IL1RAPL2: variants seen among roughly 807,000 people sequenced by gnomAD.
The protein encoded by IL1RAPL2 is X-linked interleukin-1 receptor accessory protein-like 2.
Under a neutral mutation model 44.1 loss-of-function variants are expected in IL1RAPL2, and 3 were observed. That is an observed-to-expected ratio of 0.07 (90% CI 0.03 to 0.18). The LOEUF (loss-of-function observed/expected upper bound fraction) is 0.18, where lower values mean the gene tolerates loss of function less well. IL1RAPL2 is among the 10% of genes least tolerant of loss of function. The pLI, the probability that IL1RAPL2 is intolerant of heterozygous loss-of-function variation, is 1.00. For missense variants in IL1RAPL2, 391 were observed against 496.4 expected, an observed-to-expected ratio of 0.79 and a Z score of 2.02; for synonymous variants, 181 against 178.8, an observed-to-expected ratio of 1.01 and a Z score of -0.10.
At chrX:104,867,514 C>T (rs766701233) in intron 2 of IL1RAPL2, among the ~76,000 whole-genome samples, 3 of 111,556 alleles carry the variant, frequency 2.7e-5, no homozygotes, top group Admixed American at 9.5e-5. Context: ...AGAACTGCGA[C>T]GGATGCTGAT....
chrX:104,887,517 AG>A (rs761395173), intron 2 of IL1RAPL2, among the ~76,000 whole-genome samples: 1 of 111,506 alleles, frequency 9.0e-6, no homozygotes, highest in African/African-American at 3.3e-5. Flanking sequence ...ATACAAGGAA[AG>A]GATCTCACTG....
intron 6 of IL1RAPL2, among the ~76,000 whole-genome samples, chrX:105,553,794 C>T (rs888408638): frequency 1.8e-5 from 2 of 112,164 alleles, no homozygotes; most frequent in Non-Finnish European, 3.8e-5. Flanking sequence ...TATTCCATAA[C>T]CCAAGGTACC....
rs1422140038 is a variant in IL1RAPL2 at position 104,653,611 on chromosome X, G to T, written c.-19-5284G>T. ...ATGGAACTAGCTGCATTGGTTCATT[G>T]TGCTGGTGGCTTCAGACATCAAACT... is the stretch of plus-strand genomic sequence containing the variant. On this transcript the variant is annotated intron_variant, in intron 1 of 10. Transcript: ENST00000372582. Among the ~76,000 whole-genome samples the T allele has an allele frequency of 4.5e-5, 5 of 111,097 alleles. No individual in the cohort carries two copies. The Admixed American group carries it at 4.8e-4, about 11-fold the overall frequency.
At chrX:105,624,068 C>A (rs1171657664) in intron 6 of IL1RAPL2, among the ~76,000 whole-genome samples, 1 of 110,670 alleles carries the variant, frequency 9.0e-6, no homozygotes, top group African/African-American at 3.3e-5. Flanking sequence ...ATACAGCATT[C>A]GAGAAGGATT....
intron 10 of IL1RAPL2, among the ~76,000 whole-genome samples, chrX:105,760,574 T>G (rs2038678241): frequency 8.9e-6 from 1 of 112,110 alleles, no homozygotes; most frequent in Non-Finnish European, 1.9e-5. Context: ...CAGAGTGGAT[T>G]CTTCACACCG....
chrX:104,650,490 AATG>A (rs1335483022), intron 1 of IL1RAPL2, among the ~76,000 whole-genome samples: 3 of 111,234 alleles, frequency 2.7e-5, no homozygotes, highest in Non-Finnish European at 5.7e-5. Context: ...TTCCTTGATC[AATG>A]ATGATATTTC....
rs189523505 is a variant in IL1RAPL2, at chrX:105,386,463, C to G, written c.698-97850C>G. ...TTTTTGTTCTCATGTGACATGAAGGCATCATTTATATACATTTATATGTAT... is the reference window on the plus strand; with the variant it reads ...TTTTTGTTCTCATGTGACATGAAGGGATCATTTATATACATTTATATGTAT... On this transcript the variant is annotated intron_variant, in intron 5 of 10. Transcript: ENST00000372582. Among the ~76,000 whole-genome samples, 13 of 111,006 alleles carry G rather than the reference C, an allele frequency of 1.2e-4. No homozygotes were observed. In the East Asian group the frequency reaches 2.5e-3, roughly 22 times the overall value.
Position 104,637,481 on chromosome X carries a change from T to A in IL1RAPL2, c.-19-21414T>A, listed in dbSNP as rs1929838982. Among the ~76,000 whole-genome samples, 3 of 110,882 alleles carry A rather than the reference T, an allele frequency of 2.7e-5. No homozygotes were observed. In the Admixed American group the frequency reaches 2.9e-4, roughly 11 times the overall value. ...ATATATAGCCTTTATTATGTTGAGGTATGTTTCTTCTGTACCTGGTTTGTT... is the reference window on the plus strand; with the variant it reads ...ATATATAGCCTTTATTATGTTGAGGAATGTTTCTTCTGTACCTGGTTTGTT... On this transcript the variant is annotated intron_variant, in intron 1 of 10. Coordinates refer to ENST00000372582, the MANE Select transcript of IL1RAPL2 (RefSeq NM_017416.2).
chrX:104,882,363 A>T (rs1923094086), intron 2 of IL1RAPL2, among the ~76,000 whole-genome samples: 1 of 112,367 alleles, frequency 8.9e-6, no homozygotes, highest in Non-Finnish European at 1.9e-5. Flanking sequence ...TAATGTAGAA[A>T]ATTAGTTGCC....
At position 105,056,887 on chromosome X, in the gene IL1RAPL2, G is replaced by T. The variant is rs149077396; in HGVS notation, c.83-138588G>T. ...GCTAAACCCCAAGCAAGCTAGTATCGGGAATTCATATGAAAAAATGACTTC... is the reference window on the plus strand; with the variant it reads ...GCTAAACCCCAAGCAAGCTAGTATCTGGAATTCATATGAAAAAATGACTTC... On this transcript the variant is annotated intron_variant, in intron 2 of 10. Coordinates refer to ENST00000372582, the MANE Select transcript of IL1RAPL2 (RefSeq NM_017416.2). Among the ~76,000 whole-genome samples the T allele has an allele frequency of 5.2e-3, 571 of 110,664 alleles. 2 individuals carry two copies. Among genetic ancestry groups the T allele is most frequent in the Non-Finnish European group, 8.9e-3 (472 of 52,920 alleles).
intron 4 of IL1RAPL2, among the ~76,000 whole-genome samples, chrX:105,247,601 ATATGTG>A (rs1395279687): frequency 6.4e-5 from 6 of 93,591 alleles, no homozygotes; most frequent in East Asian, 6.6e-4. Flanking sequence ...GTATATATAT[ATATGTG>A]TGTGTGTGTG....
Position 105,685,333 on chromosome X carries a change from T to G in IL1RAPL2, c.773-32034T>G, listed in dbSNP as rs2037961404. 2.7e-5 allele frequency among the ~76,000 whole-genome samples: 3 copies of G among 111,460 alleles called. No homozygotes were observed. The South Asian group carries it at 1.1e-3, about 42-fold the overall frequency. ...AAAAAAGATTAGAGGAATGGCTAAT[T>G]AGAATAAACAGTGTAGAGAAGATCT... is the stretch of plus-strand genomic sequence containing the variant. On this transcript the variant is annotated intron_variant, in intron 6 of 10. Coordinates refer to ENST00000372582, the MANE Select transcript of IL1RAPL2 (RefSeq NM_017416.2).
intron 1 of IL1RAPL2, among the ~76,000 whole-genome samples, chrX:104,604,654 AAG>A (rs1928965487): frequency 1.9e-5 from 2 of 106,966 alleles, no homozygotes; most frequent in African/African-American, 3.5e-5. Context: ...AAAAAAAAAA[AAG>A]CAGGAGCTGC....
intron 2 of IL1RAPL2, among the ~76,000 whole-genome samples, chrX:105,117,931 CATTA>C (rs1383440618): frequency 8.9e-6 from 1 of 111,825 alleles, no homozygotes; most frequent in Admixed American, 9.4e-5. Flanking sequence ...TTGTTGAGAT[CATTA>C]ATATCATTTA....
chrX:104,850,794 TAGAG>T (rs1050161898), intron 2 of IL1RAPL2, among the ~76,000 whole-genome samples: 11 of 111,176 alleles, frequency 9.9e-5, no homozygotes, highest in Non-Finnish European at 1.1e-4. Flanking sequence ...GTAGAAAAAA[TAGAG>T]AGACAAAGAA....
At chrX:104,824,436 A>G (rs1437233771) in intron 2 of IL1RAPL2, among the ~76,000 whole-genome samples, 1 of 111,600 alleles carries the variant, frequency 9.0e-6, no homozygotes, top group African/African-American at 3.3e-5. Context: ...CTCTTTTTCA[A>G]TTGTTTGGAA....
At chrX:105,744,919 T>A (rs757968597) in intron 8 of IL1RAPL2, among the ~76,000 whole-genome samples, 1 of 111,807 alleles carries the variant, frequency 8.9e-6, no homozygotes, top group Non-Finnish European at 1.9e-5. Flanking sequence ...TATCATTGAA[T>A]CTCTCTCTCT....
At chrX:105,286,302 T>G (rs1346295618) in intron 5 of IL1RAPL2, among the ~76,000 whole-genome samples, 3 of 110,798 alleles carry the variant, frequency 2.7e-5, no homozygotes, top group Non-Finnish European at 5.7e-5. Flanking sequence ...CTTCCTCATC[T>G]GTTTGTATAT....
chrX:104,730,889 T>C (rs1227826818), intron 2 of IL1RAPL2, among the ~76,000 whole-genome samples: 1 of 111,349 alleles, frequency 9.0e-6, no homozygotes, highest in Non-Finnish European at 1.9e-5. Context: ...CACCTGTTTT[T>C]TCCTGACTTT....
Sources: gnomAD v4.1 joint callset for allele counts (sites outside exome capture counted in the v4.1 genomes callset) on GRCh38, gnomAD v4.1.1 for gene constraint, MANE v1.5 for transcripts, NCBI Gene and HGNC (gene_info 2026-07-23, HGNC 2026-07-21) for gene names.